Variants in PUDP observed in about 807,000 individuals in gnomAD.
PUDP encodes the protein pseudouridine 5'-phosphatase.
PUDP carries 8 observed loss-of-function variants against 9.4 expected under a neutral mutation model. The observed-to-expected ratio is 0.85, with a 90% CI of 0.50 to 1.53. PUDP has a LOEUF of 1.53. PUDP is among the 40% of genes most tolerant of loss of function. PUDP has a pLI of 0.00. For synonymous variants in PUDP, 99 were observed against 80.7 expected (o/e 1.23, Z -1.22); for missense variants, 188 against 189.7 (o/e 0.99, Z 0.05).
intron 3 of PUDP, among the ~76,000 whole-genome samples, chrX:6,830,451 G>C (rs1005716372): frequency 2.1e-4 from 24 of 112,384 alleles, no homozygotes; most frequent in Admixed American, 9.4e-5. Context: ...TCCTGAATTT[G>C]AAATGTCTTT....
chrX:6,922,628 C>T lies in PUDP; in HGVS notation c.*247+54505G>A, dbSNP rs1928042711. 2.7e-5 allele frequency among the ~76,000 whole-genome samples: 3 copies of T among 111,630 alleles called. No individual in the cohort carries two copies. The Admixed American group carries it at 2.9e-4, about 11-fold the overall frequency. On this transcript the variant is annotated intron_variant and NMD_transcript_variant, in intron 3 of 3. Coordinates refer to the PUDP transcript ENST00000655425. The stretch of plus-strand genomic sequence containing the variant: ...CTCCTTAATTTTCAGCATCTCCATT[C>T]CCATCCTCACTCTCAGCTTACAATG...
At chrX:7,070,202 G>C (rs775032328) in intron 3 of PUDP, among the ~76,000 whole-genome samples, 1 of 112,495 alleles carries the variant, frequency 8.9e-6, no homozygotes, top group Admixed American at 9.4e-5. Context: ...CCAAAGGCAA[G>C]TTCAATGAAA....
At chrX:6,712,957 G>T (rs1035403620) in intron 1 of PUDP, among the ~76,000 whole-genome samples, 1 of 111,884 alleles carries the variant, frequency 8.9e-6, no homozygotes, top group Non-Finnish European at 1.9e-5. Flanking sequence ...TGAGGCAGGA[G>T]AATTGCTTGA....
At chrX:6,834,685 T>C (rs1324678187) in intron 3 of PUDP, among the ~76,000 whole-genome samples, 1 of 111,378 alleles carries the variant, frequency 9.0e-6, no homozygotes, top group East Asian at 2.8e-4. Context: ...CTAGGTAATT[T>C]ATAATAACAG....
chrX:6,731,448 CAACTA>C (rs2146660005), intron 3 of PUDP, among the ~76,000 whole-genome samples: 1 of 111,351 alleles, frequency 9.0e-6, no homozygotes, highest in South Asian at 3.8e-4. Flanking sequence ...GGTGAAAAAC[CAACTA>C]AAATAATGGG....
At chrX:7,124,688 T>G (rs1932431317) in intron 1 of PUDP, among the ~76,000 whole-genome samples, 1 of 111,595 alleles carries the variant, frequency 9.0e-6, no homozygotes, top group African/African-American at 3.3e-5. Context: ...GGCTCACGCC[T>G]GTAATCCCAG....
intron 3 of PUDP, among the ~76,000 whole-genome samples, chrX:6,753,220 T>C (rs1925127109): frequency 8.9e-6 from 1 of 111,966 alleles, no homozygotes; most frequent in Non-Finnish European, 1.9e-5. Flanking sequence ...TGAGAACATA[T>C]GGTTTGGTTT....
At chrX:6,870,105 A>G (rs58417398) in intron 3 of PUDP, among the ~76,000 whole-genome samples, 10,233 of 111,280 alleles carry the variant, frequency 0.092, 611 homozygotes, top group East Asian at 0.46. Context: ...ATTCTGACAC[A>G]TGTTACAACC....
chrX:6,811,040 T>G lies in PUDP; in HGVS notation c.*248-104574A>C, dbSNP rs201837960. Among the ~76,000 whole-genome samples the G allele has an allele frequency of 1.1e-4, 12 of 111,807 alleles. No individual in the cohort carries two copies. In the East Asian group the frequency reaches 2.0e-3, roughly 18 times the overall value. The stretch of plus-strand genomic sequence containing the variant: ...GAGTCATGCAACTCAAAGACATTCC[T>G]TTGTCCTGAAGCATAGCCCAGCAAC... On this transcript the variant is annotated intron_variant and NMD_transcript_variant, in intron 3 of 3. Coordinates refer to the PUDP transcript ENST00000655425.
At chrX:6,797,161 A>T (rs150294209) in intron 3 of PUDP, among the ~76,000 whole-genome samples, 36 of 112,222 alleles carry the variant, frequency 3.2e-4, no homozygotes, top group African/African-American at 1.0e-3. Context: ...TGAATTGCTC[A>T]TGTTGGCAGT....
At chrX:7,033,170 G>A (rs1929813096) in intron 1 of PUDP, among the ~76,000 whole-genome samples, 1 of 111,483 alleles carries the variant, frequency 9.0e-6, no homozygotes, top group Admixed American at 9.6e-5. Flanking sequence ...TCAACTTTGG[G>A]AGTCAGACCT....
intron 3 of PUDP, among the ~76,000 whole-genome samples, chrX:6,900,360 G>A (rs755499719): frequency 1.9e-5 from 2 of 107,536 alleles, no homozygotes; most frequent in Non-Finnish European, 1.9e-5. Context: ...CATCTGGTGG[G>A]TGGAGGCCAC....
intron 1 of PUDP, among the ~76,000 whole-genome samples, chrX:6,980,017 A>G (rs1251519418): frequency 9.0e-6 from 1 of 110,714 alleles, no homozygotes; most frequent in African/African-American, 3.3e-5. Context: ...AACCCAGATC[A>G]TGAGCATAGT....
intron 1 of PUDP, among the ~76,000 whole-genome samples, chrX:6,996,076 A>C (rs1470508843): frequency 9.0e-6 from 1 of 111,030 alleles, no homozygotes; most frequent in Admixed American, 9.7e-5. Context: ...TTGAGGGCTT[A>C]GGTGCTAATC....
At chrX:6,816,931 T>C (rs1447137456) in intron 3 of PUDP, among the ~76,000 whole-genome samples, 6 of 94,476 alleles carry the variant, frequency 6.4e-5, no homozygotes, top group African/African-American at 2.0e-4. Context: ...ATAATATATA[T>C]ACACATATAG....
intron 3 of PUDP, among the ~76,000 whole-genome samples, chrX:6,965,183 G>C (rs138258394): frequency 5.4e-5 from 6 of 111,758 alleles, no homozygotes; most frequent in African/African-American, 1.9e-4. Flanking sequence ...CATGAGAGCA[G>C]CGATTTATTT....
At chrX:7,107,553 G>A (rs1190147737) in intron 1 of PUDP, among the ~76,000 whole-genome samples, 2 of 112,871 alleles carry the variant, frequency 1.8e-5, no homozygotes, top group African/African-American at 6.4e-5. Flanking sequence ...TGGGGCGGGC[G>A]CGGTGGCTCA....
chrX:7,027,112 G>A (rs1311217908), intron 1 of PUDP, among the ~76,000 whole-genome samples: 1 of 111,500 alleles, frequency 9.0e-6, no homozygotes, highest in Non-Finnish European at 1.9e-5. Flanking sequence ...CCCAAACCAT[G>A]CACACGTGTG....
chrX:6,885,428 G>A (rs891665324), intron 3 of PUDP, among the ~76,000 whole-genome samples: 2 of 112,138 alleles, frequency 1.8e-5, no homozygotes, highest in African/African-American at 3.2e-5. Context: ...ATGTACCCGT[G>A]AGAAGAGAGA....
Sources: gnomAD v4.1 joint callset for allele counts (sites outside exome capture counted in the v4.1 genomes callset) on GRCh38, gnomAD v4.1.1 for gene constraint, MANE v1.5 for transcripts, NCBI Gene and HGNC (gene_info 2026-07-23, HGNC 2026-07-21) for gene names.